Variants in PPL observed in about 807,000 individuals in gnomAD.
The protein encoded by PPL is 190 kDa paraneoplastic pemphigus antigen.
PPL carries 198 observed loss-of-function variants against 194.4 expected under a neutral mutation model. The observed-to-expected ratio is 1.02, with a 90% CI of 0.91 to 1.15. PPL has a LOEUF of 1.15. Among genes scored for constraint, PPL ranks in the 50% most tolerant of loss-of-function variants. PPL has a pLI of 0.00. For missense variants in PPL, 2,885 were observed against 2,294.8 expected (o/e 1.26, Z -5.25); for synonymous variants, 1,220 against 972.4 (o/e 1.25, Z -4.74).
intron 1 of PPL, 124 bp downstream of exon 1, chr16:4,936,860 G>C: frequency 1.0e-6 from 1 of 985,436 alleles, no homozygotes; most frequent in Non-Finnish European, 1.4e-6. Flanking sequence ...CCGCACTCCG[G>C]GTTCAGTTCC....
At chr16:4,917,709 C>T (rs1408541137) in intron 1 of PPL, among the ~76,000 whole-genome samples, 4 of 151,262 alleles carry the variant, frequency 2.6e-5, no homozygotes, top group African/African-American at 4.9e-5. Flanking sequence ...GAGAGCAGCC[C>T]GGGCAACATG....
Position 4,899,656 on chromosome 16 carries a change from G to A in PPL, c.607-272C>T, listed in dbSNP as rs895230432. The stretch of plus-strand genomic sequence containing the variant: ...TGCTGGACATGGCTCCAGACACTGG[G>A]GATACAGCAAACGAAACACACAAAA... On this transcript the variant is annotated intron_variant, in intron 6 of 21. Coordinates refer to ENST00000345988, the MANE Select transcript of PPL (RefSeq NM_002705.5). Among the ~76,000 whole-genome samples the A allele has an allele frequency of 1.6e-3, 245 of 151,194 alleles. 1 individual carries two copies. The highest frequency in any genetic ancestry group is 5.6e-3 in the African/African-American group (232 of 41,422).
chr16:4,900,765 C>T (rs1162395783), intron 6 of PPL, 65 bp downstream of exon 6: 12 of 1,605,136 alleles, frequency 7.5e-6, no homozygotes, highest in Non-Finnish European at 1.0e-5. Context: ...ATCCTTGTCC[C>T]CCCGACTCCA....
intron 3 of PPL, 38 bp downstream of exon 3, chr16:4,903,848 C>G: frequency 6.2e-7 from 1 of 1,609,958 alleles, no homozygotes; most frequent in Non-Finnish European, 8.5e-7. Context: ...CCATAGCCCC[C>G]AATGGCTCCC....
Position 4,897,723 on chromosome 16 carries a change from C to A in PPL, c.924G>T (p.Leu308=). 1 of 1,613,938 alleles carries A rather than the reference C, an allele frequency of 6.2e-7. No individual in the cohort carries two copies. The highest frequency in any genetic ancestry group is 8.5e-7 in the Non-Finnish European group (1 of 1,180,012). ...TGAGGTGGCTCTCCTCGCAGATGAG[C>A]AGGTTCAGGTACTCCTTCCAGTCTG... ...VHADWKEYLN[L]LICEESHLKY... is the part of the protein sequence containing the mutation. Residue 308 remains leucine, a synonymous_variant, in exon 9 of 22, where the codon CTG becomes CTT. Transcript: ENST00000345988.
intron 12 of PPL, 156 bp from the exon 13 acceptor site, chr16:4,893,794 T>A: frequency 1.6e-6 from 1 of 616,752 alleles, no homozygotes; most frequent in Non-Finnish European, 2.8e-6. Context: ...CTGGCCTTTC[T>A]GTGCTCCTGG....
chr16:4,914,439 C>A (rs2088879953), intron 1 of PPL, among the ~76,000 whole-genome samples: 1 of 152,116 alleles, frequency 6.6e-6, no homozygotes. Context: ...GCATTGGGGG[C>A]AGAAATGGCA....
chr16:4,895,438 A>G (rs778671378), intron 10 of PPL, 31 bp from the exon 11 acceptor site: 36 of 1,608,476 alleles, frequency 2.2e-5, no homozygotes, highest in Non-Finnish European at 4.2e-6. Context: ...GGCCCAGGTG[A>G]GACCAACAGC....
At chr16:4,889,111 A>G (rs1436351330) in intron 18 of PPL, 50 bp from the exon 19 acceptor site, 1 of 1,501,950 alleles carries the variant, frequency 6.7e-7, no homozygotes, top group Non-Finnish European at 9.3e-7. Flanking sequence ...AAAATTTAAA[A>G]AAGCAACCAT....
Position 4,900,810 on chromosome 16 carries a change from T to TC in PPL, c.606+19dup. On this transcript the variant is annotated intron_variant, in intron 6 of 21. Coordinates refer to ENST00000345988, the MANE Select transcript of PPL (RefSeq NM_002705.5). ...TCCTCTCCTCTCCCCATGAGGCCTT[T>TC]CCCCCAGGGAGCTCCTCACCAGCAG... The TC allele has an allele frequency of 6.2e-7, 1 of 1,614,032 alleles. No individual in the cohort carries two copies. Among genetic ancestry groups the TC allele is most frequent in the Non-Finnish European group, 8.5e-7 (1 of 1,179,980 alleles).
intron 4 of PPL, among the ~76,000 whole-genome samples, chr16:4,901,812 C>G (rs1177505732): frequency 2.0e-5 from 3 of 151,516 alleles, no homozygotes; most frequent in Non-Finnish European, 2.9e-5. Flanking sequence ...TGATGGCGTG[C>G]ACCTGTAATT....
chr16:4,883,372 C>T lies in PPL; in HGVS notation c.*12G>A. On this transcript the variant is annotated 3_prime_UTR_variant, in exon 22 of 22. Transcript: ENST00000345988. This position sits in a 1 kb window ranked among gnomAD's most constrained non-coding sequence, Gnocchi z 4.8. Reference sequence around the variant, plus strand: ...CAGCGTCTGCCGTTACGAAGAGTTGCAAGAGCTGTGCCTACTTCTGCCCAG... The same window carrying T: ...CAGCGTCTGCCGTTACGAAGAGTTGTAAGAGCTGTGCCTACTTCTGCCCAG... The T allele has an allele frequency of 1.2e-6, 2 of 1,613,550 alleles. No individual in the cohort carries two copies. The highest frequency in any genetic ancestry group is 4.5e-5 in the East Asian group (2 of 44,884).
chr16:4,893,737 G>A (rs1289840776), intron 12 of PPL, 99 bp from the exon 13 acceptor site: 3 of 949,232 alleles, frequency 3.2e-6, no homozygotes, highest in East Asian at 2.7e-5. Flanking sequence ...CACCCCAGAG[G>A]AGCCTGACAG....
rs535488946 is a variant in PPL, at chr16:4,919,356, C to G, written c.63-8407G>C. On this transcript the variant is annotated intron_variant, in intron 1 of 21. Transcript: ENST00000345988. ...GATAGGGTTCAGATCCTGACTGCACCAACCAGCAATGTGACCCTGTGACAG... is the reference window on the plus strand; with the variant it reads ...GATAGGGTTCAGATCCTGACTGCACGAACCAGCAATGTGACCCTGTGACAG... 2.6e-5 allele frequency among the ~76,000 whole-genome samples: 4 copies of G among 152,324 alleles called. No individual in the cohort carries two copies. In the East Asian group the frequency reaches 7.7e-4, roughly 29 times the overall value.
At chr16:4,895,757 A>G (rs2088415487) in intron 9 of PPL, 41 bp from the exon 10 acceptor site, 2 of 1,612,906 alleles carry the variant, frequency 1.2e-6, no homozygotes, top group African/African-American at 2.7e-5. Flanking sequence ...GGAAACCACT[A>G]GAAGCACCTG....
chr16:4,931,238 C>T (rs1343827814), intron 1 of PPL, among the ~76,000 whole-genome samples: 1 of 152,046 alleles, frequency 6.6e-6, no homozygotes, highest in African/African-American at 2.4e-5. Context: ...GGTGTGCACA[C>T]CTGTAGTCCC....
At position 4,912,899 on chromosome 16, in the gene PPL, T is replaced by A. The variant is rs368936511; in HGVS notation, c.63-1950A>T. Among the ~76,000 whole-genome samples the A allele has an allele frequency of 1.9e-4, 29 of 151,988 alleles. No individual in the cohort carries two copies. In the East Asian group the frequency reaches 3.3e-3, roughly 17 times the overall value. On this transcript the variant is annotated intron_variant, in intron 1 of 21. Coordinates refer to ENST00000345988, the MANE Select transcript of PPL (RefSeq NM_002705.5). ...CGGGCGAATCACCTGAGATCAGGAG[T>A]TTGAGACCAGCCTGGCCAACATGGT...
intron 21 of PPL, among the ~76,000 whole-genome samples, chr16:4,886,636 T>A (rs150191393): frequency 1.3e-4 from 20 of 152,370 alleles, no homozygotes; most frequent in Non-Finnish European, 2.6e-4. Flanking sequence ...TCTTTTTTTC[T>A]GAGACAGAGT....
intron 1 of PPL, among the ~76,000 whole-genome samples, chr16:4,928,864 A>G (rs1291414467): frequency 2.6e-5 from 4 of 151,976 alleles, no homozygotes; most frequent in Non-Finnish European, 5.9e-5. Flanking sequence ...TACAAAATAT[A>G]GCCAGGCGTG....
Sources: allele counts gnomAD v4.1 joint callset (sites outside exome capture counted in the v4.1 genomes callset), GRCh38; gene constraint gnomAD v4.1.1; non-coding constraint Gnocchi (gnomAD v3.1); transcripts MANE v1.5; gene names NCBI Gene and HGNC (gene_info 2026-07-23, HGNC 2026-07-21).